The following SPRYD4 variants were observed in gnomAD, a reference collection of about 807,000 sequenced individuals.
SPRYD4 encodes SPRY domain-containing protein 4.
A neutral mutation model predicts 16.6 loss-of-function variants in SPRYD4; 12 were observed. That is an observed-to-expected ratio of 0.72 (90% CI 0.46 to 1.17). SPRYD4 has a LOEUF of 1.17. Ranked by LOEUF, SPRYD4 falls within the 50% of genes most tolerant of loss-of-function variation. SPRYD4 has a pLI of 0.00. For missense variants in SPRYD4, 260 were observed against 260.2 expected (o/e 1.00, Z 0.00); for synonymous variants, 98 against 105.4 (o/e 0.93, Z 0.43).
chr12:56,471,774 T>TA lies in SPRYD4; in HGVS notation c.*2197_*2198insA. On this transcript the variant is annotated 3_prime_UTR_variant, in exon 2 of 2. Coordinates refer to ENST00000338146, the MANE Select transcript of SPRYD4 (RefSeq NM_207344.4). ...CTCCACTTTTAGCCTATTCCTCACC[T>TA]GTCCTTGGCAAAAGGATTCACTTTG... 2 of 1,614,164 alleles carry TA rather than the reference T, an allele frequency of 1.2e-6. No homozygotes were observed. Among genetic ancestry groups the TA allele is most frequent in the South Asian group, 2.2e-5 (2 of 91,084 alleles).
chr12:56,471,883 C>T lies in SPRYD4; in HGVS notation c.*2306C>T, dbSNP rs953259692. 2.5e-6 allele frequency: 4 copies of T among 1,588,440 alleles called. No homozygotes were observed. The highest frequency in any genetic ancestry group is 3.5e-6 in the Non-Finnish European group (4 of 1,158,118). On this transcript the variant is annotated 3_prime_UTR_variant, in exon 2 of 2. Coordinates refer to ENST00000338146, the MANE Select transcript of SPRYD4 (RefSeq NM_207344.4). ...AAATGAGAAGGCGCAGGTCTTGAAC[C>T]CTTTGGTGCAGACACTTAGCCACTG...
Position 56,478,114 on chromosome 12 carries a change from C to T in SPRYD4, c.*8537C>T, listed in dbSNP as rs753937723. The stretch of plus-strand genomic sequence containing the variant: ...CAGAGTGCCTGGAGGCAGACAGATG[C>T]CATGAAAGGGGTTGGCCTGTGTTCG... On this transcript the variant is annotated 3_prime_UTR_variant, in exon 2 of 2. Transcript: ENST00000338146. 1 of 1,613,922 alleles carries T rather than the reference C, an allele frequency of 6.2e-7. No homozygotes were observed. Among genetic ancestry groups the T allele is most frequent in the South Asian group, 1.1e-5 (1 of 91,068 alleles).
rs1354465432 is a variant in SPRYD4 at position 56,476,153 on chromosome 12, CTCTT to C, written c.*6580_*6583del. ...AAACACCGCACTTCCATTGGCTCCT[CTCTT>C]TCTCTTTCTTTTTTTTGAGACAGTC... On this transcript the variant is annotated 3_prime_UTR_variant, in exon 2 of 2. Coordinates refer to ENST00000338146, the MANE Select transcript of SPRYD4 (RefSeq NM_207344.4). The C allele has an allele frequency of 3.6e-6, 2 of 559,508 alleles. No individual in the cohort carries two copies. The highest frequency in any genetic ancestry group is 3.7e-5 in the Admixed American group (1 of 26,680). The allele number at this position is 559,508 out of a possible 1,614,324, so 34.7% of individuals were successfully genotyped here. A position where few individuals can be genotyped will look rare whatever the true frequency, so the allele number is the denominator to read the frequency against.
chr12:56,474,086 CTTTT>C lies in SPRYD4; in HGVS notation c.*4511_*4514del. 1 of 140,020 alleles carries C rather than the reference CTTTT, an allele frequency of 7.1e-6. No homozygotes were observed. Among genetic ancestry groups the C allele is most frequent in the African/African-American group, 2.9e-5 (1 of 34,880 alleles). 8.7% of individuals were successfully genotyped at this position (140,020 alleles called of 1,614,324 possible). On this transcript the variant is annotated 3_prime_UTR_variant, in exon 2 of 2. Coordinates refer to ENST00000338146, the MANE Select transcript of SPRYD4 (RefSeq NM_207344.4). Reference sequence around the variant, plus strand: ...AGCTGCAACACCTCTGGTTGTTTTTCTTTTTCTTTTTTTCTTTTTTTTTGAGATG... The same window carrying C: ...AGCTGCAACACCTCTGGTTGTTTTTCTCTTTTTTTCTTTTTTTTTGAGATG...
Position 56,478,821 on chromosome 12 carries a change from C to A in SPRYD4, c.*9244C>A. On this transcript the variant is annotated 3_prime_UTR_variant, in exon 2 of 2. Coordinates refer to ENST00000338146, the MANE Select transcript of SPRYD4 (RefSeq NM_207344.4). ...CAGCCTGGCCAATATGGCAAAACCC[C>A]ATCTCTACTAAAAATACAAAAATTA... 2.2e-6 allele frequency: 1 copy of A among 456,938 alleles called. No individual in the cohort carries two copies. The highest frequency in any genetic ancestry group is 3.9e-6 in the Non-Finnish European group (1 of 259,580). The allele number at this position is 456,938 out of a possible 1,614,324, so 28.3% of individuals were successfully genotyped here. A position where few individuals can be genotyped will look rare whatever the true frequency, so the allele number is the denominator to read the frequency against.
rs764052241 is a variant in SPRYD4 at position 56,469,171 on chromosome 12, AG to A, written c.219del (p.Glu73AspfsTer20). ...GCCTTGAATGTGGAGCGCTTCCGGG[AG>A]TGGGCAGTGGTGCTGGCAGACACAG... Reference protein sequence around the residue: ...KVALNVERFREWAVVLADTAV... With the variant: ...KVALNVERFRXWAVVLADTAV... On this transcript the variant is annotated frameshift_variant, in exon 2 of 2. Transcript: ENST00000338146. LOFTEE classifies it high-confidence loss of function. 6.2e-7 allele frequency: 1 copy of A among 1,613,996 alleles called. No homozygotes were observed. The highest frequency in any genetic ancestry group is 2.2e-5 in the East Asian group (1 of 44,880).
Position 56,474,910 on chromosome 12 carries a change from A to C in SPRYD4, c.*5333A>C, listed in dbSNP as rs759926117. 16 of 1,614,130 alleles carry C rather than the reference A, an allele frequency of 9.9e-6. No homozygotes were observed. The highest frequency in any genetic ancestry group is 1.4e-5 in the Non-Finnish European group (16 of 1,180,026). On this transcript the variant is annotated 3_prime_UTR_variant, in exon 2 of 2. Coordinates refer to ENST00000338146, the MANE Select transcript of SPRYD4 (RefSeq NM_207344.4). ...CTTAGGAAAGCACTGCAAGGAAGAG[A>C]GGGGAGAGCATTTCTCTTCAGGACA...
Position 56,478,060 on chromosome 12 carries a change from C to T in SPRYD4, c.*8483C>T, listed in dbSNP as rs1869978091. The T allele has an allele frequency of 2.5e-6, 4 of 1,614,032 alleles. No individual in the cohort carries two copies. In the African/African-American group the frequency reaches 5.3e-5, roughly 22 times the overall value. ...AGGTGAGGGGCTTCACACAGGACTGCAGGCAGAAGGGGATCTTTGTGTGGC... is the reference window on the plus strand; with the variant it reads ...AGGTGAGGGGCTTCACACAGGACTGTAGGCAGAAGGGGATCTTTGTGTGGC... On this transcript the variant is annotated 3_prime_UTR_variant, in exon 2 of 2. Coordinates refer to ENST00000338146, the MANE Select transcript of SPRYD4 (RefSeq NM_207344.4).
chr12:56,471,239 C>A lies in SPRYD4; in HGVS notation c.*1662C>A. The A allele has an allele frequency of 2.1e-6, 1 of 486,932 alleles. No individual in the cohort carries two copies. The highest frequency in any genetic ancestry group is 3.6e-6 in the Non-Finnish European group (1 of 278,480). 30.2% of individuals were successfully genotyped at this position (486,932 alleles called of 1,614,324 possible). ...GTTTTGAGTGGGGCAAGCCATTAGG[C>A]TGTACCTTGAAGCCCAGTCTCTCTG... On this transcript the variant is annotated 3_prime_UTR_variant, in exon 2 of 2. Coordinates refer to ENST00000338146, the MANE Select transcript of SPRYD4 (RefSeq NM_207344.4).
rs1441962599 is a variant in SPRYD4 at position 56,475,948 on chromosome 12, ATCAAACT to A, written c.*6374_*6380del. 1 of 1,613,754 alleles carries A rather than the reference ATCAAACT, an allele frequency of 6.2e-7. No individual in the cohort carries two copies. Among genetic ancestry groups the A allele is most frequent in the African/African-American group, 1.3e-5 (1 of 74,920 alleles). ...GCTAAGTAGCAAGGGAACTTACAAA[ATCAAACT>A]TCTCTGCTTTGTTACAGTCCATCTG... On this transcript the variant is annotated 3_prime_UTR_variant, in exon 2 of 2. Coordinates refer to ENST00000338146, the MANE Select transcript of SPRYD4 (RefSeq NM_207344.4).
chr12:56,478,322 G>A lies in SPRYD4; in HGVS notation c.*8745G>A. 1.3e-6 allele frequency: 2 copies of A among 1,548,126 alleles called. No individual in the cohort carries two copies. Among genetic ancestry groups the A allele is most frequent in the Non-Finnish European group, 1.8e-6 (2 of 1,121,062 alleles). Reference sequence around the variant, plus strand: ...TGTGGAGAAGAGGAACAGAGTTGAGGTTGAGGGTCAAGAGAATCTTTTAGA... The same window carrying A: ...TGTGGAGAAGAGGAACAGAGTTGAGATTGAGGGTCAAGAGAATCTTTTAGA... On this transcript the variant is annotated 3_prime_UTR_variant, in exon 2 of 2. Transcript: ENST00000338146.
rs1302787472 is a variant in SPRYD4 at position 56,472,406 on chromosome 12, C to T, written c.*2829C>T. 3 of 607,592 alleles carry T rather than the reference C, an allele frequency of 4.9e-6. No homozygotes were observed. The highest frequency in any genetic ancestry group is 8.7e-6 in the Non-Finnish European group (3 of 344,812). 37.6% of individuals were successfully genotyped at this position (607,592 alleles called of 1,614,324 possible). A position where few individuals can be genotyped will look rare whatever the true frequency, so the allele number is the denominator to read the frequency against. On this transcript the variant is annotated 3_prime_UTR_variant, in exon 2 of 2. Transcript: ENST00000338146. ...GGGAATGTGATCCTTCCAGAAATATCACTCACTGCCTACCTGTGGTAAGTG... is the reference window on the plus strand; with the variant it reads ...GGGAATGTGATCCTTCCAGAAATATTACTCACTGCCTACCTGTGGTAAGTG...
Position 56,469,415 on chromosome 12 carries a change from G to GCT in SPRYD4, c.463_464dup (p.Glu156TrpfsTer8). The GCT allele has an allele frequency of 2.5e-6, 4 of 1,614,112 alleles. No individual in the cohort carries two copies. The highest frequency in any genetic ancestry group is 2.5e-6 in the Non-Finnish European group (3 of 1,180,016). On this transcript the variant is annotated frameshift_variant, in exon 2 of 2. Transcript: ENST00000338146. LOFTEE classifies it high-confidence loss of function. Reference sequence around the variant, plus strand: ...GGCAGCCAGAGAAGGTGGGGCTGTTGCTGGAGTATGAGGCCCAGAAGCTGA... The same window carrying GCT: ...GGCAGCCAGAGAAGGTGGGGCTGTTGCTCTGGAGTATGAGGCCCAGAAGCTGA...
In SPRYD4 at chr12:56,479,644, T is replaced by C. The variant is rs569011089; in HGVS notation, c.*10067T>C. 111 of 1,051,610 alleles carry C rather than the reference T, an allele frequency of 1.1e-4. No individual in the cohort carries two copies. In the Middle Eastern group the frequency reaches 2.0e-3, roughly 19 times the overall value. 65.1% of individuals were successfully genotyped at this position (1,051,610 alleles called of 1,614,324 possible). A position where few individuals can be genotyped will look rare whatever the true frequency, so the allele number is the denominator to read the frequency against. On this transcript the variant is annotated 3_prime_UTR_variant, in exon 2 of 2. Transcript: ENST00000338146. ...TTTGAACTCTTATGATGAGTATTCATGTATAACTTATGTAATAAGTAATAA... is the reference window on the plus strand; with the variant it reads ...TTTGAACTCTTATGATGAGTATTCACGTATAACTTATGTAATAAGTAATAA...
At position 56,477,955 on chromosome 12, in the gene SPRYD4, G is replaced by C; in HGVS notation, c.*8378G>C. 7 of 1,613,828 alleles carry C rather than the reference G, an allele frequency of 4.3e-6. No individual in the cohort carries two copies. The highest frequency in any genetic ancestry group is 5.9e-6 in the Non-Finnish European group (7 of 1,179,752). On this transcript the variant is annotated 3_prime_UTR_variant, in exon 2 of 2. Coordinates refer to ENST00000338146, the MANE Select transcript of SPRYD4 (RefSeq NM_207344.4). ...CACCTTCCTCATTGAGGGAGAGCTTGTTGTAGCGCAGGCCACTTGGCTCTT... is the reference window on the plus strand; with the variant it reads ...CACCTTCCTCATTGAGGGAGAGCTTCTTGTAGCGCAGGCCACTTGGCTCTT...
At position 56,478,417 on chromosome 12, in the gene SPRYD4, G is replaced by A. The variant is rs1870014582; in HGVS notation, c.*8840G>A. On this transcript the variant is annotated 3_prime_UTR_variant, in exon 2 of 2. Transcript: ENST00000338146. ...CTGCCTGTTGCTCCCAGAAATGCCCGAGCCTTAAGTCCTAGAAGGCCATAT... is the reference window on the plus strand; with the variant it reads ...CTGCCTGTTGCTCCCAGAAATGCCCAAGCCTTAAGTCCTAGAAGGCCATAT... The A allele has an allele frequency of 4.2e-6, 3 of 706,768 alleles. No homozygotes were observed. The highest frequency in any genetic ancestry group is 5.1e-5 in the Admixed American group (2 of 39,100). The allele number at this position is 706,768 out of a possible 1,614,324, so 43.8% of individuals were successfully genotyped here.
At position 56,476,982 on chromosome 12, in the gene SPRYD4, C is replaced by T. The variant is rs868726423; in HGVS notation, c.*7405C>T. 5 of 152,208 alleles carry T rather than the reference C, an allele frequency of 3.3e-5. No individual in the cohort carries two copies. Among genetic ancestry groups the T allele is most frequent in the Admixed American group, 1.3e-4 (2 of 15,280 alleles). 9.4% of individuals were successfully genotyped at this position (152,208 alleles called of 1,614,324 possible). A position where few individuals can be genotyped will look rare whatever the true frequency, so the allele number is the denominator to read the frequency against. On this transcript the variant is annotated 3_prime_UTR_variant, in exon 2 of 2. Transcript: ENST00000338146. ...GTTTGTAGATGGAGCCATCACAGAACAAGGGGAGAGACTCAGCCTCTTTTC... is the reference window on the plus strand; with the variant it reads ...GTTTGTAGATGGAGCCATCACAGAATAAGGGGAGAGACTCAGCCTCTTTTC...
chr12:56,469,985 T>C lies in SPRYD4; in HGVS notation c.*408T>C, dbSNP rs74811816. 0.044 allele frequency: 8,024 copies of C among 183,516 alleles called. 241 individuals are homozygous for C. The highest frequency in any genetic ancestry group is 0.12 in the Middle Eastern group (43 of 364). The allele number at this position is 183,516 out of a possible 1,614,324, so 11.4% of individuals were successfully genotyped here. On this transcript the variant is annotated 3_prime_UTR_variant, in exon 2 of 2. Transcript: ENST00000338146. Reference sequence around the variant, plus strand: ...AACTTGTTCTTGGGGCTCTACCAGATGGCTGAAGAGTAAATCCTTTCTACC... The same window carrying C: ...AACTTGTTCTTGGGGCTCTACCAGACGGCTGAAGAGTAAATCCTTTCTACC...
Position 56,478,385 on chromosome 12 carries a change from T to A in SPRYD4, c.*8808T>A, listed in dbSNP as rs768501959. The A allele has an allele frequency of 7.2e-6, 7 of 969,958 alleles. No homozygotes were observed. The highest frequency in any genetic ancestry group is 1.1e-5 in the Non-Finnish European group (7 of 641,170). The allele number at this position is 969,958 out of a possible 1,614,324, so 60.1% of individuals were successfully genotyped here. On this transcript the variant is annotated 3_prime_UTR_variant, in exon 2 of 2. Transcript: ENST00000338146. The stretch of plus-strand genomic sequence containing the variant: ...TTCTGTCTTCTATAGGGCAGAGGGG[T>A]TCCCTCCTGCCTGTTGCTCCCAGAA...
Sources: gnomAD v4.1 joint callset for allele counts on GRCh38, gnomAD v4.1.1 for gene constraint, MANE v1.5 for transcripts, NCBI Gene and HGNC (gene_info 2026-07-23, HGNC 2026-07-21) for gene names.